ABL1: variants seen among roughly 807,000 people sequenced by gnomAD.
ABL1 encodes the protein tyrosine-protein kinase ABL1.
ABL1 carries 11 observed loss-of-function variants against 94.7 expected under a neutral mutation model. The ratio of observed to expected loss-of-function variants is 0.12; its 90% CI spans 0.07 to 0.19. ABL1 has a LOEUF of 0.19. Among genes scored for constraint, ABL1 ranks in the 10% least tolerant of loss-of-function variants. The pLI is 1.00. For synonymous variants in ABL1, 656 were observed against 622.4 expected, an observed-to-expected ratio of 1.05 and a Z score of -0.80; for missense variants, 1,082 against 1,489.4, an observed-to-expected ratio of 0.73 and a Z score of 4.50.
At chr9:130,789,880 T>C (rs1050899319) in intron 1 of ABL1, among the ~76,000 whole-genome samples, 1 of 152,118 alleles carries the variant, frequency 6.6e-6, no homozygotes, top group African/African-American at 2.4e-5. Context: ...CTGAAGCTAA[T>C]AGAAACAAAG....
intron 3 of ABL1, among the ~76,000 whole-genome samples, chr9:130,859,309 C>G (rs1306439477): frequency 6.6e-6 from 1 of 152,194 alleles, no homozygotes; most frequent in African/African-American, 2.4e-5. Context: ...GCTGAAGTGA[C>G]AGATCCAAGG....
At chr9:130,726,133 G>A (rs1831582240) in intron 1 of ABL1, among the ~76,000 whole-genome samples, 1 of 151,992 alleles carries the variant, frequency 6.6e-6, no homozygotes, top group African/African-American at 2.4e-5. Flanking sequence ...TTACAGGATT[G>A]AGCTCCCTTG....
In ABL1 at chr9:130,884,496, C is replaced by T. The variant is rs767258688; in HGVS notation, c.2206C>T (p.Leu736=). ...AKDTEWRSVT[L]PRDLQSTGRQ... ...GGACACGGAGTGGAGGTCAGTCACG[C>T]TGCCTCGGGACTTGCAGTCCACGGG... Residue 736 remains leucine, a synonymous_variant, in exon 11 of 11, where the codon CTG becomes TTG. Transcript: ENST00000318560. The surrounding 1 kb of genome is among the most constrained non-coding windows in gnomAD (Gnocchi z 5.6). The T allele has an allele frequency of 2.5e-6, 4 of 1,613,200 alleles. No individual in the cohort carries two copies. The highest frequency in any genetic ancestry group is 1.3e-5 in the African/African-American group (1 of 75,076).
At chr9:130,850,936 GTTTT>G (rs920123864) in intron 1 of ABL1, among the ~76,000 whole-genome samples, 21 of 150,322 alleles carry the variant, frequency 1.4e-4, no homozygotes, top group South Asian at 1.1e-3. Context: ...TTGTTTGTTT[GTTTT>G]TTTGAGAGAG....
At chr9:130,817,882 A>G (rs1315013091) in intron 1 of ABL1, among the ~76,000 whole-genome samples, 1 of 152,176 alleles carries the variant, frequency 6.6e-6, no homozygotes, top group East Asian at 1.9e-4. Context: ...TTTTGTGATT[A>G]TGAATAAAGC....
rs1831579466 is a variant in ABL1 at position 130,886,132 on chromosome 9, TCAGGCCCTCTGCCTGCACTCCCTGGC to T, written c.*451_*476del. 4.0e-6 allele frequency: 1 copy of T among 250,536 alleles called. No individual in the cohort carries two copies. The highest frequency in any genetic ancestry group is 7.8e-6 in the Non-Finnish European group (1 of 128,870). 15.5% of individuals were successfully genotyped at this position (250,536 alleles called of 1,614,324 possible). ...GAAGCCTGAACTGAGGCCTTGTGTG[TCAGGCCCTCTGCCTGCACTCCCTGGC>T]CTTGCCCGTCGTGTGCTGAAGACAT... On this transcript the variant is annotated 3_prime_UTR_variant, in exon 11 of 11. Coordinates refer to ENST00000318560, the MANE Select transcript of ABL1 (RefSeq NM_005157.6).
At chr9:130,764,782 C>T (rs900975858) in intron 1 of ABL1, among the ~76,000 whole-genome samples, 7 of 152,072 alleles carry the variant, frequency 4.6e-5, no homozygotes, top group African/African-American at 1.7e-4. Flanking sequence ...ATGGTGAAAC[C>T]CTGTCTCTAC....
At chr9:130,770,833 G>A (rs1026140733) in intron 1 of ABL1, among the ~76,000 whole-genome samples, 9 of 152,160 alleles carry the variant, frequency 5.9e-5, no homozygotes, top group Non-Finnish European at 1.2e-4. Context: ...TGTAGACCCG[G>A]TACTATCACA....
intron 1 of ABL1, among the ~76,000 whole-genome samples, chr9:130,745,233 C>T (rs960717191): frequency 6.6e-5 from 10 of 151,740 alleles, no homozygotes; most frequent in Non-Finnish European, 7.4e-5. Flanking sequence ...TACAGGCATG[C>T]GCCGCCACAC....
chr9:130,737,260 AT>A (rs1831755607), intron 1 of ABL1, among the ~76,000 whole-genome samples: 1 of 152,004 alleles, frequency 6.6e-6, no homozygotes, highest in Non-Finnish European at 1.5e-5. Flanking sequence ...TTAAAAAAAA[AT>A]TTATTTTATT....
rs555954779 is a variant in ABL1, at chr9:130,827,996, GGAGA to G, written c.137-26061_137-26058del. On this transcript the variant is annotated intron_variant, in intron 1 of 10. Transcript: ENST00000372348. The stretch of plus-strand genomic sequence containing the variant: ...AAAAGAACTATTCTTTGCTATCCTT[GGAGA>G]GAGAGATTGCAAATGTCAGAAAACA... Among the ~76,000 whole-genome samples, 163 of 150,678 alleles carry G rather than the reference GGAGA, an allele frequency of 1.1e-3. 1 individual carries two copies. The highest frequency in any genetic ancestry group is 3.7e-3 in the African/African-American group (153 of 40,978).
intron 1 of ABL1, among the ~76,000 whole-genome samples, chr9:130,719,833 C>T (rs1477673322): frequency 2.6e-5 from 4 of 152,110 alleles, no homozygotes; most frequent in South Asian, 2.1e-4. Context: ...CCAAGAATAG[C>T]GTTGGTGTTG....
At chr9:130,822,932 G>A (rs561095701) in intron 1 of ABL1, among the ~76,000 whole-genome samples, 2 of 152,054 alleles carry the variant, frequency 1.3e-5, no homozygotes, top group Non-Finnish European at 2.9e-5. Context: ...CAAGTAGCTG[G>A]GACTACAGGC....
chr9:130,880,117 A>G lies in ABL1; in HGVS notation c.1473A>G (p.Gln491=). 1 of 1,614,162 alleles carries G rather than the reference A, an allele frequency of 6.2e-7. No individual in the cohort carries two copies. The highest frequency in any genetic ancestry group is 8.5e-7 in the Non-Finnish European group (1 of 1,180,032). The change falls in exon 9 of 11, where the codon CAA becomes CAG. Residue 491 remains glutamine, a synonymous_variant. Transcript: ENST00000318560. This position sits in a 1 kb window ranked among gnomAD's most constrained non-coding sequence, Gnocchi z 4.4. ...GGCCCTCCTTTGCTGAAATCCACCA[A>G]GCCTTTGAAACAATGTTCCAGGAAT... ...SDRPSFAEIH[Q]AFETMFQESS... is the part of the protein sequence containing the mutation.
At chr9:130,765,392 G>A (rs35461511) in intron 1 of ABL1, among the ~76,000 whole-genome samples, 179 of 152,302 alleles carry the variant, frequency 1.2e-3, no homozygotes, top group African/African-American at 4.2e-3. Context: ...GGAAATCCTT[G>A]TGGTGTTGGA....
Position 130,814,938 on chromosome 9 carries a change from AT to A in ABL1, c.137-39125del, listed in dbSNP as rs1271935329. Among the ~76,000 whole-genome samples, 1 of 152,212 alleles carries A rather than the reference AT, an allele frequency of 6.6e-6. No homozygotes were observed. Among genetic ancestry groups the A allele is most frequent in the Non-Finnish European group, 1.5e-5 (1 of 68,034 alleles). ...AATAAAAAAAATCAGTAAAATACAA[AT>A]AAAATTTAGTAAAAATAAAGCTGAT... On this transcript the variant is annotated intron_variant, in intron 1 of 10. Coordinates refer to the ABL1 transcript ENST00000372348. The surrounding 1 kb of genome is among the most constrained non-coding windows in gnomAD (Gnocchi z 4.4).
chr9:130,724,981 A>C, intron 1 of ABL1: 1 of 320,162 alleles, frequency 3.1e-6, no homozygotes, highest in Non-Finnish European at 6.4e-6. Flanking sequence ...CAGGCCTTAG[A>C]GCCACAGTGG....
intron 1 of ABL1, among the ~76,000 whole-genome samples, chr9:130,825,381 T>C (rs1830412750): frequency 6.6e-6 from 1 of 152,198 alleles, no homozygotes; most frequent in Non-Finnish European, 1.5e-5. Context: ...CTTTTAGTCT[T>C]AGAGAAAGAG....
At chr9:130,764,267 G>A (rs1832153783) in intron 1 of ABL1, among the ~76,000 whole-genome samples, 1 of 152,298 alleles carries the variant, frequency 6.6e-6, no homozygotes, top group South Asian at 2.1e-4. Flanking sequence ...AATAGGAGCC[G>A]AGTTTTCTGG....
Sources: gnomAD v4.1 joint callset for allele counts (sites outside exome capture counted in the v4.1 genomes callset) on GRCh38, gnomAD v4.1.1 for gene constraint, Gnocchi (gnomAD v3.1) non-coding constraint, MANE v1.5 for transcripts, NCBI Gene and HGNC (gene_info 2026-07-23, HGNC 2026-07-21) for gene names.